STARD9: variants seen among roughly 807,000 people sequenced by gnomAD.
STARD9 encodes the protein stAR-related lipid transfer protein 9.
A neutral mutation model predicts 399.8 loss-of-function variants in STARD9; 346 were observed. The ratio of observed to expected loss-of-function variants is 0.87; its 90% CI spans 0.79 to 0.95. The LOEUF (loss-of-function observed/expected upper bound fraction) is 0.95, where lower values mean the gene tolerates loss of function less well. STARD9 is among the 40% of genes least tolerant of loss of function. The pLI, the probability that STARD9 is intolerant of heterozygous loss-of-function variation, is 0.00. For synonymous variants in STARD9, 2,203 were observed against 2,143.5 expected (o/e 1.03, Z -0.77); for missense variants, 5,832 against 5,667.5 (o/e 1.03, Z -0.93).
chr15:42,719,485 G>A lies in STARD9; in HGVS notation c.14014G>A (p.Ala4672Thr). ...TCTCTGCTTTCAGGTGGAACTTGGT[G>A]CTCCAGGCTTCCCACCTCAGCTCCT... is the stretch of plus-strand genomic sequence containing the variant. ...VIYLAQVELG[A>T]PGFPPQLLSS... Residue 4672 changes from alanine (A) to threonine (T), a missense_variant, in exon 33 of 33, where the codon GCT becomes ACT. Transcript: ENST00000290607. 6.5e-7 allele frequency: 1 copy of A among 1,536,594 alleles called. No individual in the cohort carries two copies. Among genetic ancestry groups the A allele is most frequent in the Non-Finnish European group, 8.7e-7 (1 of 1,146,374 alleles).
chr15:42,628,760 G>A (rs1200471470), intron 3 of STARD9, among the ~76,000 whole-genome samples: 1 of 152,032 alleles, frequency 6.6e-6, no homozygotes, highest in African/African-American at 2.4e-5. Context: ...GTCTTTCTGG[G>A]TTCACTGTTT....
At chr15:42,597,653 A>G (rs952881913) in intron 3 of STARD9, among the ~76,000 whole-genome samples, 1 of 151,986 alleles carries the variant, frequency 6.6e-6, no homozygotes, top group Non-Finnish European at 1.5e-5. Context: ...TCTCCGCCTC[A>G]GCCTCCCAAC....
At chr15:42,706,341 G>A (rs1251351822) in intron 26 of STARD9, among the ~76,000 whole-genome samples, 1 of 151,676 alleles carries the variant, frequency 6.6e-6, no homozygotes, top group African/African-American at 2.4e-5. Flanking sequence ...TGATTATTTT[G>A]TGTGTATTAA....
intron 26 of STARD9, among the ~76,000 whole-genome samples, chr15:42,706,884 C>T (rs2061099605): frequency 1.3e-5 from 2 of 152,132 alleles, no homozygotes; most frequent in South Asian, 2.1e-4. Context: ...TTCATTCATC[C>T]ATCCATCTAT....
chr15:42,691,766 T>A lies in STARD9; in HGVS notation c.10188T>A (p.Asp3396Glu), dbSNP rs557124556. 1.3e-6 allele frequency: 2 copies of A among 1,537,188 alleles called. No individual in the cohort carries two copies. Among genetic ancestry groups the A allele is most frequent in the African/African-American group, 2.7e-5 (2 of 73,130 alleles). ...ASSRLDDGTTDHRHLKPATPP... is the reference protein window; with the variant it reads ...ASSRLDDGTTEHRHLKPATPP... Reference sequence around the variant, plus strand: ...CTCGCTTGGATGATGGGACTACCGATCACAGGCACCTGAAGCCTGCCACCC... The same window carrying A: ...CTCGCTTGGATGATGGGACTACCGAACACAGGCACCTGAAGCCTGCCACCC... The change falls in exon 23 of 33, where the codon GAT becomes GAA. Residue 3396 changes from aspartate (D) to glutamate (E), a missense_variant. Transcript: ENST00000290607.
At chr15:42,600,259 T>C (rs1214603951) in intron 3 of STARD9, among the ~76,000 whole-genome samples, 1 of 152,120 alleles carries the variant, frequency 6.6e-6, no homozygotes, top group Non-Finnish European at 1.5e-5. Flanking sequence ...ATATAGGACA[T>C]GTCATCACTC....
chr15:42,585,964 G>A (rs2058269620), intron 3 of STARD9, among the ~76,000 whole-genome samples: 1 of 152,170 alleles, frequency 6.6e-6, no homozygotes, highest in African/African-American at 2.4e-5. Context: ...TGAAATCTGA[G>A]TCCTGGCTAT....
intron 9 of STARD9, among the ~76,000 whole-genome samples, chr15:42,655,955 C>T (rs747554908): frequency 1.3e-5 from 2 of 151,988 alleles, no homozygotes; most frequent in Non-Finnish European, 2.9e-5. Context: ...ATACAAATGG[C>T]AACAAACATA....
At chr15:42,631,407 C>A (rs771067051) in intron 3 of STARD9, among the ~76,000 whole-genome samples, 5 of 151,942 alleles carry the variant, frequency 3.3e-5, no homozygotes, top group African/African-American at 4.8e-5. Flanking sequence ...CATGGTGAAA[C>A]CCTGTCTCTA....
At chr15:42,682,044 A>T in intron 21 of STARD9, 60 bp from the exon 22 acceptor site, 1 of 1,158,602 alleles carries the variant, frequency 8.6e-7, no homozygotes, top group South Asian at 1.5e-5. Flanking sequence ...ATCTGAGTCC[A>T]GGCAGCCACA....
Position 42,603,502 on chromosome 15 carries a change from G to T in STARD9, c.234+17865G>T, listed in dbSNP as rs2058669840. 2.6e-5 allele frequency among the ~76,000 whole-genome samples: 4 copies of T among 152,086 alleles called. 1 individual carries two copies. The South Asian group carries it at 8.3e-4, about 32-fold the overall frequency. ...GTTCTTGTAATCACCAGATTACAAG[G>T]TTCTTGCCTGCTGCCCCATAGAGCC... On this transcript the variant is annotated intron_variant, in intron 3 of 32. Coordinates refer to ENST00000290607, the MANE Select transcript of STARD9 (RefSeq NM_020759.3).
Position 42,688,999 on chromosome 15 carries a change from TAA to T in STARD9, c.7422_7423del (p.Ile2474MetfsTer10), listed in dbSNP as rs754355434. On this transcript the variant is annotated frameshift_variant, in exon 23 of 33. Coordinates refer to ENST00000290607, the MANE Select transcript of STARD9 (RefSeq NM_020759.3). LOFTEE classifies it high-confidence loss of function. The stretch of plus-strand genomic sequence containing the variant: ...GCCGAGGTGGCTGTACAAAAAGAAA[TAA>T]GAGTCAGTTCACTGAACAAGGTCTC... 1.2e-5 allele frequency: 19 copies of T among 1,537,180 alleles called. No individual in the cohort carries two copies. Among genetic ancestry groups the T allele is most frequent in the African/African-American group, 5.5e-5 (4 of 73,112 alleles).
chr15:42,683,253 A>C (rs2140215685), intron 22 of STARD9, among the ~76,000 whole-genome samples: 3 of 152,360 alleles, frequency 2.0e-5, no homozygotes, highest in Middle Eastern at 6.8e-3. Context: ...TGGTCTTCAA[A>C]GTACCAGGTG....
chr15:42,599,469 A>G (rs1566863104), intron 3 of STARD9, among the ~76,000 whole-genome samples: 1 of 152,126 alleles, frequency 6.6e-6, no homozygotes, highest in South Asian at 2.1e-4. Flanking sequence ...ATATTAATAC[A>G]TCTCACCTCT....
chr15:42,586,096 T>G (rs1266961375), intron 3 of STARD9, among the ~76,000 whole-genome samples: 1 of 152,202 alleles, frequency 6.6e-6, no homozygotes, highest in Non-Finnish European at 1.5e-5. Context: ...ACATCAAAGT[T>G]GGCTAGTGTC....
At chr15:42,616,389 A>G (rs1377221803) in intron 3 of STARD9, among the ~76,000 whole-genome samples, 1 of 152,264 alleles carries the variant, frequency 6.6e-6, no homozygotes, top group African/African-American at 2.4e-5. Context: ...CTTCCACTGT[A>G]AAGTGAAACA....
At chr15:42,679,472 T>G (rs913153597) in intron 20 of STARD9, among the ~76,000 whole-genome samples, 2 of 152,210 alleles carry the variant, frequency 1.3e-5, no homozygotes, top group African/African-American at 2.4e-5. Flanking sequence ...TTGGACCTGT[T>G]GCAGATTGAA....
At position 42,718,155 on chromosome 15, in the gene STARD9, C is replaced by T. The variant is rs778308520; in HGVS notation, c.13738C>T (p.Arg4580Ter). 7 of 1,536,846 alleles carry T rather than the reference C, an allele frequency of 4.6e-6. No homozygotes were observed. The highest frequency in any genetic ancestry group is 2.4e-5 in the East Asian group (1 of 40,914). ...KPIQTARLHQ[R>*]VTNSISLVYL... ...CATCCAGACAGCAAGGCTGCATCAG[C>T]GAGTGACCAACAGCATCAGCCTGGG... The change falls in exon 30 of 33, where the codon CGA becomes TGA. Residue 4580 changes from arginine to a stop codon, truncating the protein, a stop_gained. Coordinates refer to ENST00000290607, the MANE Select transcript of STARD9 (RefSeq NM_020759.3). LOFTEE classifies it high-confidence loss of function.
At chr15:42,594,169 G>T (rs112297283) in intron 3 of STARD9, among the ~76,000 whole-genome samples, 135 of 152,246 alleles carry the variant, frequency 8.9e-4, no homozygotes, top group African/African-American at 2.0e-3. Flanking sequence ...TCAGTGTGAG[G>T]ATGTCAGGAA....
Sources: gnomAD v4.1 joint callset for allele counts (sites outside exome capture counted in the v4.1 genomes callset) on GRCh38, gnomAD v4.1.1 for gene constraint, MANE v1.5 for transcripts, NCBI Gene and HGNC (gene_info 2026-07-23, HGNC 2026-07-21) for gene names.